ITPR1: variants seen among roughly 807,000 people sequenced by gnomAD.
ITPR1 encodes the protein inositol 1,4,5-trisphosphate-gated calcium channel ITPR1.
Under a neutral mutation model 318.4 loss-of-function variants are expected in ITPR1, and 96 were observed. The ratio of observed to expected loss-of-function variants is 0.30; its 90% CI spans 0.26 to 0.36. The LOEUF is 0.36. ITPR1 is among the 10% of genes least tolerant of loss of function. ITPR1 has a pLI of 1.00. For synonymous variants in ITPR1, 1,312 were observed against 1,289.9 expected, an observed-to-expected ratio of 1.02 and a Z score of -0.37; for missense variants, 2,440 against 3,460.2, an observed-to-expected ratio of 0.71 and a Z score of 7.40.
intron 2 of ITPR1, among the ~76,000 whole-genome samples, chr3:4,509,180 A>C (rs2081614648): frequency 6.6e-6 from 1 of 152,168 alleles, no homozygotes; most frequent in African/African-American, 2.4e-5. Flanking sequence ...TTTTACAGAT[A>C]AGAGAGCTGA....
chr3:4,719,304 G>A (rs967803625), intron 40 of ITPR1, among the ~76,000 whole-genome samples: 5 of 152,208 alleles, frequency 3.3e-5, no homozygotes, highest in Admixed American at 6.5e-5. Context: ...CTGGGACACC[G>A]ATGCCCTGTC....
chr3:4,688,184 C>T (rs1038084999), intron 30 of ITPR1, among the ~76,000 whole-genome samples: 1 of 152,134 alleles, frequency 6.6e-6, no homozygotes, highest in Non-Finnish European at 1.5e-5. Context: ...GTGCCCAGCC[C>T]GTCCCTGTCT....
chr3:4,642,713 C>T (rs1263355809), intron 7 of ITPR1, among the ~76,000 whole-genome samples: 2 of 152,188 alleles, frequency 1.3e-5, no homozygotes, highest in Non-Finnish European at 2.9e-5. Context: ...GCAGGCTCCC[C>T]GTCGTGTTCA....
intron 4 of ITPR1, among the ~76,000 whole-genome samples, chr3:4,579,416 T>A (rs2089055512): frequency 6.6e-6 from 1 of 152,244 alleles, no homozygotes; most frequent in African/African-American, 2.4e-5. Flanking sequence ...ACATATATTA[T>A]ACAGCTTAAA....
intron 6 of ITPR1, among the ~76,000 whole-genome samples, 154 bp downstream of exon 6, chr3:4,639,624 T>C (rs1413221349): frequency 1.3e-5 from 2 of 152,214 alleles, no homozygotes; most frequent in South Asian, 2.1e-4. Context: ...TCTTGTTAGA[T>C]GTGATAGACT....
intron 4 of ITPR1, among the ~76,000 whole-genome samples, chr3:4,569,559 A>G (rs1179063042): frequency 6.6e-6 from 1 of 152,210 alleles, no homozygotes; most frequent in East Asian, 1.9e-4. Context: ...TCTTAAACTC[A>G]AATCTCTGAT....
chr3:4,783,896 T>C lies in ITPR1; in HGVS notation c.6591T>C (p.Tyr2197=), dbSNP rs1669520898. Residue 2197 remains tyrosine, a synonymous_variant, in exon 51 of 62, where the codon TAT becomes TAC. Transcript: ENST00000649015. ...QVDGDEALEF[Y]AKHTAQIEIV... ...ACGGAGATGAAGCCCTGGAGTTTTA[T>C]GCCAAGCACACGGCGCAGATAGAGG... 1.2e-6 allele frequency: 2 copies of C among 1,608,752 alleles called. No homozygotes were observed. The highest frequency in any genetic ancestry group is 3.4e-5 in the Admixed American group (2 of 59,424).
chr3:4,503,111 T>C (rs1396951146), intron 2 of ITPR1, among the ~76,000 whole-genome samples: 1 of 152,066 alleles, frequency 6.6e-6, no homozygotes, highest in East Asian at 1.9e-4. Flanking sequence ...GAAAAGCCCT[T>C]TATTGCAGAG....
At chr3:4,518,998 C>A (rs1204446133) in intron 3 of ITPR1, among the ~76,000 whole-genome samples, 3 of 152,228 alleles carry the variant, frequency 2.0e-5, no homozygotes, top group Admixed American at 6.5e-5. Flanking sequence ...AGAGTCCTGG[C>A]GTCAGTATAT....
intron 52 of ITPR1, among the ~76,000 whole-genome samples, chr3:4,794,464 C>A (rs2047766114): frequency 6.6e-6 from 1 of 152,174 alleles, no homozygotes; most frequent in African/African-American, 2.4e-5. Flanking sequence ...AATGATCATC[C>A]AACTTCAGGG....
In ITPR1 at chr3:4,710,174, A is replaced by G. The variant is rs971162367; in HGVS notation, c.4843-151A>G. On this transcript the variant is annotated intron_variant, in intron 37 of 61. Coordinates refer to ENST00000649015, the MANE Select transcript of ITPR1 (RefSeq NM_001378452.1). The surrounding 1 kb of genome is among the most constrained non-coding windows in gnomAD (Gnocchi z 4.2). ...TAATGTTTCAGGTAACCATTGGGCA[A>G]TGTCTAATAATTTGAGATGCCAGAC... is the stretch of plus-strand genomic sequence containing the variant. 2 of 602,312 alleles carry G rather than the reference A, an allele frequency of 3.3e-6. No individual in the cohort carries two copies. Among genetic ancestry groups the G allele is most frequent in the East Asian group, 3.3e-5 (1 of 30,254 alleles). 37.3% of individuals were successfully genotyped at this position (602,312 alleles called of 1,614,324 possible). A position where few individuals can be genotyped will look rare whatever the true frequency, so the allele number is the denominator to read the frequency against.
intron 4 of ITPR1, among the ~76,000 whole-genome samples, chr3:4,523,951 C>T (rs760127537): frequency 9.2e-4 from 140 of 152,340 alleles, no homozygotes; most frequent in African/African-American, 2.8e-3. Flanking sequence ...ACTCCTTTTA[C>T]AGCCTGGCCT....
chr3:4,675,702 C>T (rs574105343), intron 23 of ITPR1, among the ~76,000 whole-genome samples: 1 of 152,090 alleles, frequency 6.6e-6, no homozygotes, highest in South Asian at 2.1e-4. Flanking sequence ...TGGCTATTTC[C>T]ACTTTGTGAG....
At chr3:4,748,319 A>G (rs1223948960) in intron 44 of ITPR1, among the ~76,000 whole-genome samples, 2 of 152,288 alleles carry the variant, frequency 1.3e-5, no homozygotes, top group African/African-American at 4.8e-5. Flanking sequence ...AGCAGTGTCT[A>G]TCTTGTTTTC....
At chr3:4,788,973 G>C (rs976551254) in intron 52 of ITPR1, among the ~76,000 whole-genome samples, 1 of 152,176 alleles carries the variant, frequency 6.6e-6, no homozygotes, top group Non-Finnish European at 1.5e-5. Context: ...CGTCTTCTCC[G>C]TGATGCTGCC....
At chr3:4,617,873 T>C (rs2092449017) in intron 4 of ITPR1, among the ~76,000 whole-genome samples, 1 of 150,614 alleles carries the variant, frequency 6.6e-6, no homozygotes, top group Non-Finnish European at 1.5e-5. Flanking sequence ...TAGTCCCAAC[T>C]CCCTGAGAGG....
intron 1 of ITPR1, among the ~76,000 whole-genome samples, chr3:4,494,222 T>G (rs972138724): frequency 1.1e-4 from 17 of 152,236 alleles, no homozygotes; most frequent in African/African-American, 3.9e-4. Flanking sequence ...TAGTCTCAAT[T>G]GTCAGTTACA....
chr3:4,494,691 C>T (rs186762430), intron 2 of ITPR1, among the ~76,000 whole-genome samples, 185 bp downstream of exon 2: 9 of 152,214 alleles, frequency 5.9e-5, no homozygotes, highest in African/African-American at 1.9e-4. Context: ...GTGGACAGTC[C>T]GTTTCTTGGA....
chr3:4,584,420 A>C (rs949184377), intron 4 of ITPR1, among the ~76,000 whole-genome samples: 1 of 152,188 alleles, frequency 6.6e-6, no homozygotes, highest in Non-Finnish European at 1.5e-5. Flanking sequence ...AACGAAGTTT[A>C]CAGGCCCCCC....
Sources: gnomAD v4.1 joint callset for allele counts (sites outside exome capture counted in the v4.1 genomes callset) on GRCh38, gnomAD v4.1.1 for gene constraint, Gnocchi (gnomAD v3.1) non-coding constraint, MANE v1.5 for transcripts, NCBI Gene and HGNC (gene_info 2026-07-23, HGNC 2026-07-21) for gene names.